Variants in HPD observed in about 807,000 individuals in gnomAD.
HPD encodes 4-hydroxyphenylpyruvic acid oxidase.
Under a neutral mutation model 56.9 loss-of-function variants are expected in HPD, and 35 were observed. The observed-to-expected ratio is 0.62, with a 90% CI of 0.47 to 0.82. HPD has a LOEUF of 0.82. Among genes scored for constraint, HPD ranks in the 40% least tolerant of loss-of-function variants. HPD has a pLI of 0.00. For synonymous variants in HPD, 186 were observed against 200.2 expected (o/e 0.93, Z 0.60); for missense variants, 442 against 506.8 (o/e 0.87, Z 1.23).
the HPD span, among the ~76,000 whole-genome samples, chr12:121,877,246 A>G: frequency 6.6e-6 from 1 of 152,186 alleles, no homozygotes; most frequent in Non-Finnish European, 1.5e-5. Context: ...ACTGAGACTC[A>G]GAGAAGCTAA....
At chr12:121,862,033 GA>G (rs1332504798), upstream of HPD, among the ~76,000 whole-genome samples, 20 of 152,230 alleles carry the variant, frequency 1.3e-4, no homozygotes, top group African/African-American at 4.8e-4. Context: ...AAAAAATGCT[GA>G]AACCTGATGC....
chr12:121,846,840 G>T (rs183844361), intron 11 of HPD, 22 bp downstream of exon 11: 2 of 1,611,200 alleles, frequency 1.2e-6, no homozygotes, highest in Admixed American at 1.7e-5. Context: ...AGAGGAATTC[G>T]GACAGGGAAG....
the HPD span, among the ~76,000 whole-genome samples, chr12:121,877,458 G>A: frequency 5.9e-5 from 9 of 151,552 alleles, no homozygotes; most frequent in African/African-American, 1.5e-4. Flanking sequence ...GAGGTTGGGC[G>A]CGGTGGTTCA....
intron 5 of HPD, 86 bp downstream of exon 5, chr12:121,856,497 G>T (rs1468205035): frequency 6.3e-7 from 1 of 1,592,168 alleles, no homozygotes; most frequent in Non-Finnish European, 8.6e-7. Flanking sequence ...TGAACCCAGA[G>T]CCCACCCACG....
chr12:121,842,594 T>A (rs184874679), intron 12 of HPD, among the ~76,000 whole-genome samples: 18 of 150,236 alleles, frequency 1.2e-4, no homozygotes, highest in Admixed American at 3.3e-4. Context: ...CACAGCTAAT[T>A]TTTTTTTTTC....
chr12:121,869,287 T>G, the HPD span, among the ~76,000 whole-genome samples: 1 of 149,446 alleles, frequency 6.7e-6, no homozygotes, highest in East Asian at 2.0e-4. Flanking sequence ...GAGACGGAGG[T>G]TGCAGTGAGC....
At chr12:121,851,411 A>G (rs1001058161) in intron 7 of HPD, among the ~76,000 whole-genome samples, 73 of 151,732 alleles carry the variant, frequency 4.8e-4, no homozygotes, top group African/African-American at 1.6e-3. Flanking sequence ...CAGTGGTGCA[A>G]CCTTGGCTCA....
At chr12:121,873,302 G>A in the HPD span, among the ~76,000 whole-genome samples, 4 of 152,190 alleles carry the variant, frequency 2.6e-5, no homozygotes, top group Non-Finnish European at 5.9e-5. Flanking sequence ...TGCCTCAGCT[G>A]TAGAGACTTG....
the HPD span, among the ~76,000 whole-genome samples, chr12:121,887,964 T>TAA: frequency 6.6e-6 from 1 of 152,168 alleles, no homozygotes; most frequent in Admixed American, 6.6e-5. Context: ...ATTGTTTAGG[T>TAA]AAGCTGGGTT....
At chr12:121,843,902 TG>T (rs1239147261) in intron 11 of HPD, 70 bp from the exon 12 acceptor site, 1 of 1,596,436 alleles carries the variant, frequency 6.3e-7, no homozygotes. Flanking sequence ...GTGGAGGTGC[TG>T]GGTCATCAGG....
At chr12:121,862,818 A>C (rs1878217763), upstream of HPD, among the ~76,000 whole-genome samples, 1 of 146,480 alleles carries the variant, frequency 6.8e-6, no homozygotes, top group Non-Finnish European at 1.5e-5. Flanking sequence ...GTAGCTGGGA[A>C]TACAGGCACC....
At chr12:121,857,157 G>A (rs1878031544) in intron 4 of HPD, 171 bp downstream of exon 4, 1 of 614,138 alleles carries the variant, frequency 1.6e-6, no homozygotes, top group South Asian at 1.8e-5. Context: ...TTGGCTCACT[G>A]CAACCTCTGC....
intron 6 of HPD, among the ~76,000 whole-genome samples, chr12:121,855,440 AG>A (rs1441325775): frequency 2.6e-5 from 4 of 152,336 alleles, no homozygotes; most frequent in Non-Finnish European, 5.9e-5. Flanking sequence ...TTCTGAGGCC[AG>A]GCAAAATGGC....
chr12:121,886,805 G>T, the HPD span, among the ~76,000 whole-genome samples: 1 of 152,122 alleles, frequency 6.6e-6, no homozygotes, highest in Non-Finnish European at 1.5e-5. Context: ...GGCCCAATAA[G>T]TCTTGTAAAG....
chr12:121,844,531 T>G (rs1358796765), intron 11 of HPD, among the ~76,000 whole-genome samples: 1 of 148,200 alleles, frequency 6.7e-6, no homozygotes, highest in East Asian at 2.0e-4. Flanking sequence ...GCAGATCACT[T>G]GAAGTCAGGA....
chr12:121,887,886 T>C, the HPD span, among the ~76,000 whole-genome samples: 1 of 152,184 alleles, frequency 6.6e-6, no homozygotes, highest in African/African-American at 2.4e-5. Context: ...GTTTGAATAC[T>C]ACACAGATGA....
chr12:121,879,000 A>C, the HPD span, among the ~76,000 whole-genome samples: 1 of 151,926 alleles, frequency 6.6e-6, no homozygotes, highest in African/African-American at 2.4e-5. Flanking sequence ...TACATAACTT[A>C]TAGGCCGGGT....
chr12:121,887,738 T>G, the HPD span, among the ~76,000 whole-genome samples: 1 of 152,196 alleles, frequency 6.6e-6, no homozygotes, highest in Non-Finnish European at 1.5e-5. Context: ...CCGCCTCCTT[T>G]CTCTGTCCCC....
intron 2 of HPD, among the ~76,000 whole-genome samples, chr12:121,858,076 G>T (rs1028926304): frequency 9.2e-5 from 14 of 152,186 alleles, no homozygotes; most frequent in African/African-American, 3.4e-4. Flanking sequence ...TTATGTTGCA[G>T]CAATATGGAT....
Sources: gnomAD v4.1 joint callset for allele counts (sites outside exome capture counted in the v4.1 genomes callset) on GRCh38, gnomAD v4.1.1 for gene constraint, MANE v1.5 for transcripts, NCBI Gene and HGNC (gene_info 2026-07-23, HGNC 2026-07-21) for gene names.